TTLL3: variants seen among roughly 807,000 people sequenced by gnomAD.
The protein encoded by TTLL3 is tubulin tyrosine ligase like 3.
In TTLL3, 63 loss-of-function variants were observed where a neutral mutation model predicts 75.2. The ratio of observed to expected loss-of-function variants is 0.84; its 90% confidence interval spans 0.68 to 1.03. The LOEUF is 1.03. Ranked by LOEUF, TTLL3 falls within the 50% of genes least tolerant of loss-of-function variation. TTLL3 has a pLI of 0.00. For missense variants in TTLL3, 997 were observed against 1,069.9 expected (o/e 0.93, Z 0.95); for synonymous variants, 393 against 418.5 (o/e 0.94, Z 0.74).
chr3:9,826,725 C>CAAAAA (rs36060940), intron 9 of TTLL3, among the ~76,000 whole-genome samples: 25 of 75,244 alleles, frequency 3.3e-4, no homozygotes, highest in African/African-American at 1.2e-3. Flanking sequence ...AGGGCTGTCT[C>CAAAAA]AAAAAAAAAA....
chr3:9,819,592 G>A (rs2080224445), intron 7 of TTLL3: 1 of 985,666 alleles, frequency 1.0e-6, no homozygotes, highest in Non-Finnish European at 1.2e-6. Context: ...ACAGCTTGGA[G>A]TGGAGGGGAC....
At position 9,812,343 on chromosome 3, in the gene TTLL3, T is replaced by C. The variant is rs182604222; in HGVS notation, c.49-600T>C. ...CAGCGTGGCCAATATGGTGAAACCC[T>C]GTCTCTACTAAAAATACAAAAATTA... is the stretch of plus-strand genomic sequence containing the variant. On this transcript the variant is annotated intron_variant, in intron 2 of 13. Transcript: ENST00000685419. Among the ~76,000 whole-genome samples, 1,166 of 152,242 alleles carry C rather than the reference T, an allele frequency of 7.7e-3. 13 individuals carry two copies. Among genetic ancestry groups the C allele is most frequent in the African/African-American group, 0.027 (1,111 of 41,528 alleles).
At chr3:9,830,101 C>T (rs139102336) in intron 11 of TTLL3, among the ~76,000 whole-genome samples, 136 of 152,264 alleles carry the variant, frequency 8.9e-4, no homozygotes, top group African/African-American at 3.2e-3. Flanking sequence ...CCTCGGCCTC[C>T]CAAAGTGCTG....
chr3:9,814,113 A>T (rs548993425), intron 4 of TTLL3, among the ~76,000 whole-genome samples: 61 of 152,154 alleles, frequency 4.0e-4, no homozygotes, highest in African/African-American at 9.4e-4. Flanking sequence ...CAGCCTGGCC[A>T]ACGTGGTGAA....
At chr3:9,809,770 G>A, upstream of TTLL3, 1 of 369,428 alleles carries the variant, frequency 2.7e-6, no homozygotes, top group Non-Finnish European at 4.8e-6. Context: ...TCTGGGTGAG[G>A]CCCCAGGTCA....
Position 9,816,198 on chromosome 3 carries a change from C to T in TTLL3, c.440C>T (p.Thr147Ile). The change falls in exon 5 of 14, where the codon ACA becomes ATA. Residue 147 changes from threonine to isoleucine, a missense_variant. Thr to Ile is a moderately conservative substitution (Grantham distance 89). Coordinates refer to ENST00000685419, the MANE Select transcript of TTLL3 (RefSeq NM_001387446.1). ...NHYARAGSFTTKVGLCLNLRN... is the reference protein window; with the variant it reads ...NHYARAGSFTIKVGLCLNLRN... ...TACGCCCGGGCTGGCTCCTTTACCA[C>T]AAAGGTGGGCTCCCTAGAGGAGCAG... 3 of 1,351,686 alleles carry T rather than the reference C, an allele frequency of 2.2e-6. No homozygotes were observed. The highest frequency in any genetic ancestry group is 3.0e-6 in the Non-Finnish European group (3 of 1,014,770). 83.7% of individuals were successfully genotyped at this position (1,351,686 alleles called of 1,614,324 possible). A position where few individuals can be genotyped will look rare whatever the true frequency, so the allele number is the denominator to read the frequency against.
intron 7 of TTLL3, 142 bp from the exon 8 acceptor site, chr3:9,820,404 C>T: frequency 1.3e-6 from 2 of 1,513,584 alleles, no homozygotes; most frequent in Non-Finnish European, 1.8e-6. Context: ...AGCTAAGTGA[C>T]ACATCCCAGG....
chr3:9,819,594 G>C, intron 7 of TTLL3: 1 of 985,748 alleles, frequency 1.0e-6, no homozygotes, highest in Non-Finnish European at 1.2e-6. Flanking sequence ...AGCTTGGAGT[G>C]GAGGGGACAC....
Position 9,812,980 on chromosome 3 carries a change from T to G in TTLL3, c.86T>G (p.Val29Gly). The G allele has an allele frequency of 2.0e-6, 3 of 1,534,348 alleles. No individual in the cohort carries two copies. The highest frequency in any genetic ancestry group is 2.6e-6 in the Non-Finnish European group (3 of 1,140,452). The change falls in exon 3 of 14, where the codon GTG (valine) becomes GGG (glycine). Residue 29 changes from valine (V) to glycine (G), a missense_variant. Coordinates refer to ENST00000685419, the MANE Select transcript of TTLL3 (RefSeq NM_001387446.1). Reference protein sequence around the residue: ...KIFTIQGCYPVIRCLLRRRGW... With the variant: ...KIFTIQGCYPGIRCLLRRRGW... ...TTTACAATCCAAGGCTGCTACCCGG[T>G]GATCCGGTGTCTCTTGCGCCGGAGG... is the stretch of plus-strand genomic sequence containing the variant.
chr3:9,815,456 A>AC (rs1284919852), intron 4 of TTLL3, among the ~76,000 whole-genome samples: 2 of 152,244 alleles, frequency 1.3e-5, no homozygotes, highest in Non-Finnish European at 2.9e-5. Flanking sequence ...GCATGGGCTG[A>AC]CGCTGGTTAT....
Position 9,818,840 on chromosome 3 carries a change from C to T in TTLL3, c.578C>T (p.Ala193Val). The change falls in exon 7 of 14, where the codon GCT (alanine) becomes GTT (valine). Residue 193 changes from alanine to valine, a missense_variant. Ala to Val is a moderately conservative substitution (Grantham distance 64). Transcript: ENST00000685419. ...GGAGCAGAGGACTTCTGGCTGACTG[C>T]TGCCCGCAACGTTCTCAAGCTGGTG... Reference protein sequence around the residue: ...KAFIEDFWLTAARNVLKLVVK... With the variant: ...KAFIEDFWLTVARNVLKLVVK... The T allele has an allele frequency of 6.2e-7, 1 of 1,614,136 alleles. No homozygotes were observed. The highest frequency in any genetic ancestry group is 8.5e-7 in the Non-Finnish European group (1 of 1,180,000).
Position 9,827,221 on chromosome 3 carries a change from TC to T in TTLL3, c.1231del (p.Leu411Ter). Reference sequence around the variant, plus strand: ...TATCCGCTTTTCCACGCAGCCCTTCTCCCTGAAGAACCTGGACAAGTGAGCC... The same window carrying T: ...TATCCGCTTTTCCACGCAGCCCTTCTCCTGAAGAACCTGGACAAGTGAGCC... ...SYIRFSTQPF[S>X]LKNLDNSVHL... On this transcript the variant is annotated frameshift_variant, in exon 10 of 14. Coordinates refer to ENST00000685419, the MANE Select transcript of TTLL3 (RefSeq NM_001387446.1). LOFTEE classifies it high-confidence loss of function. 1 of 1,614,090 alleles carries T rather than the reference TC, an allele frequency of 6.2e-7. No homozygotes were observed. The highest frequency in any genetic ancestry group is 1.3e-5 in the African/African-American group (1 of 75,040).
intron 8 of TTLL3, among the ~76,000 whole-genome samples, chr3:9,824,728 TTTTC>T (rs1390890733): frequency 2.1e-5 from 3 of 140,284 alleles, no homozygotes; most frequent in African/African-American, 7.8e-5. Context: ...TTTTCTTTTC[TTTTC>T]TTTTCTTTTT....
intron 2 of TTLL3, 177 bp from the exon 3 acceptor site, chr3:9,812,766 A>G (rs4020750): frequency 0.46 from 314,160 of 689,728 alleles, 76,248 homozygotes; most frequent in Non-Finnish European, 0.5. Context: ...CATTGCTATT[A>G]TCATTATTAC....
At chr3:9,817,399 G>A (rs1180844572) in intron 5 of TTLL3, 1 of 978,832 alleles carries the variant, frequency 1.0e-6, no homozygotes, top group Non-Finnish European at 1.2e-6. Flanking sequence ...ACTCCAGCCT[G>A]GGTGACAGAG....
intron 9 of TTLL3, 30 bp downstream of exon 9, chr3:9,825,978 G>T: frequency 1.2e-6 from 2 of 1,605,784 alleles, no homozygotes; most frequent in Non-Finnish European, 1.7e-6. Context: ...TCCTGCACTG[G>T]CACCTCACCA....
At position 9,834,868 on chromosome 3, in the gene TTLL3, T is replaced by G; in HGVS notation, c.2013T>G (p.Leu671=). The G allele has an allele frequency of 1.2e-6, 2 of 1,614,126 alleles. No homozygotes were observed. The highest frequency in any genetic ancestry group is 8.5e-7 in the Non-Finnish European group (1 of 1,180,010). The change falls in exon 13 of 14, where the codon CTT becomes CTG. Residue 671 remains leucine, a synonymous_variant. Transcript: ENST00000685419. ...AKVFISLPPN[L]DFKVAPSILK... ...TCTTCATTTCCCTCCCACCGAACCT[T>G]GATTTCAAGGTGGCACCCAGCATCC...
chr3:9,834,860 C>T lies in TTLL3; in HGVS notation c.2005C>T (p.Pro669Ser). Residue 669 changes from proline to serine, a missense_variant, in exon 13 of 14, where the codon CCG becomes TCG. Transcript: ENST00000685419. ...PTAKVFISLP[P>S]NLDFKVAPSI... Reference sequence around the variant, plus strand: ...GGCTAAGGTCTTCATTTCCCTCCCACCGAACCTTGATTTCAAGGTGGCACC... The same window carrying T: ...GGCTAAGGTCTTCATTTCCCTCCCATCGAACCTTGATTTCAAGGTGGCACC... The T allele has an allele frequency of 6.2e-7, 1 of 1,614,234 alleles. No homozygotes were observed. The highest frequency in any genetic ancestry group is 2.2e-5 in the East Asian group (1 of 44,880).
Position 9,834,825 on chromosome 3 carries a change from C to G in TTLL3, c.1970C>G (p.Thr657Ser). The G allele has an allele frequency of 6.2e-7, 1 of 1,614,266 alleles. No individual in the cohort carries two copies. ...TCGACCACAGGCAAGGCCTTGAGGA[C>G]TCTACCCACGGCTAAGGTCTTCATT... ...ALSTTGKALR[T>S]LPTAKVFISL... Residue 657 changes from threonine (T) to serine (S), a missense_variant, in exon 13 of 14, where the codon ACT becomes AGT. Coordinates refer to ENST00000685419, the MANE Select transcript of TTLL3 (RefSeq NM_001387446.1).
Sources: gnomAD v4.1 joint callset for allele counts (sites outside exome capture counted in the v4.1 genomes callset) on GRCh38, gnomAD v4.1.1 for gene constraint, MANE v1.5 for transcripts, NCBI Gene and HGNC (gene_info 2026-07-23, HGNC 2026-07-21) for gene names.